Variants in CSMD1 observed in about 807,000 individuals in gnomAD.
CSMD1 encodes CUB and Sushi multiple domains 1.
CSMD1 carries 213 observed loss-of-function variants against 417.5 expected under a neutral mutation model. That is an observed-to-expected ratio of 0.51 (90% CI 0.46 to 0.57). CSMD1 has a LOEUF of 0.57. Among genes scored for constraint, CSMD1 ranks in the 20% least tolerant of loss-of-function variants. The pLI is 0.00. For missense variants in CSMD1, 6,923 were observed against 4,529.7 expected, an observed-to-expected ratio of 1.53 and a Z score of -15.17; for synonymous variants, 2,862 against 1,736.8, an observed-to-expected ratio of 1.65 and a Z score of -16.11.
chr8:4,399,161 C>T (rs529713216), intron 3 of CSMD1, among the ~76,000 whole-genome samples: 2 of 152,228 alleles, frequency 1.3e-5, no homozygotes, highest in East Asian at 3.9e-4. Flanking sequence ...GTGTGATCAG[C>T]ATACAGATTA....
intron 3 of CSMD1, among the ~76,000 whole-genome samples, chr8:4,067,826 C>T (rs1325751472): frequency 5.3e-5 from 8 of 151,900 alleles, no homozygotes; most frequent in Non-Finnish European, 7.3e-5. Flanking sequence ...TGTCTGTGAT[C>T]CCAACACTTT....
chr8:3,856,472 G>T (rs916721536), intron 5 of CSMD1, among the ~76,000 whole-genome samples: 2 of 152,164 alleles, frequency 1.3e-5, no homozygotes, highest in African/African-American at 4.8e-5. Flanking sequence ...GCTGCCCTAT[G>T]AGTTCTTAAT....
In CSMD1 at chr8:4,092,601, C is replaced by A. The variant is rs147900756; in HGVS notation, c.416-60502G>T. 3.1e-3 allele frequency among the ~76,000 whole-genome samples: 477 copies of A among 152,274 alleles called. 1 individual carries two copies. Among genetic ancestry groups the A allele is most frequent in the African/African-American group, 0.011 (442 of 41,548 alleles). ...ACACTACCAATAATTAGCATATCATCTTAAGCAATTATGAGAAGAATGACG... is the reference window on the plus strand; with the variant it reads ...ACACTACCAATAATTAGCATATCATATTAAGCAATTATGAGAAGAATGACG... On this transcript the variant is annotated intron_variant, in intron 3 of 69. Transcript: ENST00000635120.
chr8:3,442,450 T>C (rs1315759016), intron 12 of CSMD1, among the ~76,000 whole-genome samples: 1 of 152,182 alleles, frequency 6.6e-6, no homozygotes, highest in East Asian at 1.9e-4. Flanking sequence ...TTTTATCTCT[T>C]ATACAGTGTT....
chr8:3,722,847 G>A (rs1266998935), intron 6 of CSMD1, among the ~76,000 whole-genome samples: 1 of 152,160 alleles, frequency 6.6e-6, no homozygotes, highest in Non-Finnish European at 1.5e-5. Context: ...GAGATTCCCC[G>A]ATTTCAGGGA....
At chr8:4,974,312 T>A (rs571077658) in intron 1 of CSMD1, among the ~76,000 whole-genome samples, 5 of 152,094 alleles carry the variant, frequency 3.3e-5, no homozygotes, top group African/African-American at 1.2e-4. Flanking sequence ...AGGCGCAAGA[T>A]TTTATTTTTG....
At chr8:3,802,018 G>A (rs925734311) in intron 5 of CSMD1, among the ~76,000 whole-genome samples, 1 of 152,216 alleles carries the variant, frequency 6.6e-6, no homozygotes, top group East Asian at 1.9e-4. Context: ...TGTGATGACT[G>A]CACGATGATG....
At chr8:3,276,686 A>G (rs1029688547) in intron 26 of CSMD1, among the ~76,000 whole-genome samples, 1 of 152,172 alleles carries the variant, frequency 6.6e-6, no homozygotes, top group Admixed American at 6.5e-5. Context: ...TATTTATTAA[A>G]GGCTTTACTA....
In CSMD1 at chr8:4,566,683, G is replaced by A. The variant is rs1039315759; in HGVS notation, c.302+70659C>T. ...AAAAAAAAAAAAAAAAAAAAAGAAA[G>A]CTAGTTTTGGTATAATTTTGGAATA... On this transcript the variant is annotated intron_variant, in intron 2 of 69. Transcript: ENST00000635120. Among the ~76,000 whole-genome samples, 98 of 139,050 alleles carry A rather than the reference G, an allele frequency of 7.0e-4. No homozygotes were observed. In the East Asian group the frequency reaches 0.017, roughly 25 times the overall value. The allele number at this position is 139,050 out of a possible 152,430, so 91.2% of individuals were successfully genotyped here.
At chr8:2,970,688 T>A (rs545644855) in intron 57 of CSMD1, among the ~76,000 whole-genome samples, 1 of 152,302 alleles carries the variant, frequency 6.6e-6, no homozygotes, top group South Asian at 2.1e-4. Flanking sequence ...GACTTTGTGA[T>A]CACTACATAG....
intron 26 of CSMD1, among the ~76,000 whole-genome samples, chr8:3,237,399 G>C (rs1198794330): frequency 6.6e-6 from 1 of 151,692 alleles, no homozygotes; most frequent in African/African-American, 2.4e-5. Context: ...GGAGGTTACA[G>C]TGAGCTGAGA....
intron 1 of CSMD1, among the ~76,000 whole-genome samples, chr8:4,835,312 G>C (rs1036527738): frequency 2.6e-5 from 4 of 152,168 alleles, no homozygotes; most frequent in Admixed American, 6.5e-5. Context: ...GAAAAGAGTG[G>C]AGACAGGTTG....
At chr8:2,952,138 C>T (rs1420259160) in intron 65 of CSMD1, among the ~76,000 whole-genome samples, 1 of 152,146 alleles carries the variant, frequency 6.6e-6, no homozygotes, top group Non-Finnish European at 1.5e-5. Flanking sequence ...TATAAATTCA[C>T]ATGATGATTT....
chr8:4,785,621 C>G (rs1433378863), intron 1 of CSMD1, among the ~76,000 whole-genome samples: 5 of 152,032 alleles, frequency 3.3e-5, no homozygotes, highest in African/African-American at 1.2e-4. Flanking sequence ...AGAACCTCAG[C>G]TCACACACAG....
intron 3 of CSMD1, among the ~76,000 whole-genome samples, chr8:4,049,439 G>A (rs1232814049): frequency 6.6e-6 from 1 of 151,040 alleles, no homozygotes. Flanking sequence ...AAAAACTACT[G>A]CCTACGAGAT....
rs930463893 is a variant in CSMD1, at chr8:3,199,798, G to A, written c.5110C>T (p.Pro1704Ser). 2 of 1,572,106 alleles carry A rather than the reference G, an allele frequency of 1.3e-6. No homozygotes were observed. The highest frequency in any genetic ancestry group is 1.7e-6 in the Non-Finnish European group (2 of 1,157,712). ...AGAATTTGATTTGACGTAGCCAAGG[G>A]CAATGTTTCCCCTAGAAACGAAAAC... Reference protein sequence around the residue: ...LSGSHSGETLPLATSNQILLR... With the variant: ...LSGSHSGETLSLATSNQILLR... Residue 1704 changes from proline to serine, a missense_variant, in exon 33 of 70, where the codon CCC becomes TCC. Coordinates refer to ENST00000635120, the MANE Select transcript of CSMD1 (RefSeq NM_033225.6).
At chr8:4,923,682 G>T (rs1479588882) in intron 1 of CSMD1, among the ~76,000 whole-genome samples, 1 of 152,098 alleles carries the variant, frequency 6.6e-6, no homozygotes, top group Non-Finnish European at 1.5e-5. Flanking sequence ...TATCCACGGA[G>T]AGCACTCAGT....
chr8:4,272,125 G>A (rs1177132423), intron 3 of CSMD1, among the ~76,000 whole-genome samples: 1 of 152,124 alleles, frequency 6.6e-6, no homozygotes, highest in Admixed American at 6.5e-5. Context: ...GTGTGTGTGT[G>A]GCTGGACACA....
At chr8:4,276,103 C>T (rs1033674639) in intron 3 of CSMD1, among the ~76,000 whole-genome samples, 10 of 152,068 alleles carry the variant, frequency 6.6e-5, no homozygotes, top group Admixed American at 1.3e-4. Context: ...CCATTTGACC[C>T]AGCAATCCCA....
Sources: allele counts gnomAD v4.1 joint callset (sites outside exome capture counted in the v4.1 genomes callset), GRCh38; gene constraint gnomAD v4.1.1; transcripts MANE v1.5; gene names NCBI Gene and HGNC (gene_info 2026-07-23, HGNC 2026-07-21).